Variants in SP140L observed in about 807,000 individuals in gnomAD.
SP140L encodes nuclear body protein SP140-like protein.
A neutral mutation model predicts 84.3 loss-of-function variants in SP140L; 64 were observed. That is an observed-to-expected ratio of 0.76 (90% CI 0.62 to 0.94). The LOEUF is 0.94. Among genes scored for constraint, SP140L ranks in the 40% least tolerant of loss-of-function variants. SP140L has a pLI of 0.00. For missense variants in SP140L, 628 were observed against 692.5 expected, an observed-to-expected ratio of 0.91 and a Z score of 1.05; for synonymous variants, 242 against 236.9, an observed-to-expected ratio of 1.02 and a Z score of -0.20.
At chr2:230,370,989 G>A in intron 6 of SP140L, 22 bp downstream of exon 6, 1 of 1,611,312 alleles carries the variant, frequency 6.2e-7, no homozygotes, top group Non-Finnish European at 8.5e-7. Context: ...TGAGGGCTGT[G>A]GGATGGGGTG....
chr2:230,337,655 T>A (rs1203373669), intron 2 of SP140L, among the ~76,000 whole-genome samples: 5 of 152,236 alleles, frequency 3.3e-5, no homozygotes, highest in African/African-American at 1.2e-4. Context: ...TTAATCCACC[T>A]TGAATTAATT....
rs1307048476 is a variant in SP140L at position 230,338,857 on chromosome 2, T to A, written c.107+10026T>A. 2.8e-5 allele frequency among the ~76,000 whole-genome samples: 4 copies of A among 143,624 alleles called. No homozygotes were observed. The East Asian group carries it at 8.0e-4, about 29-fold the overall frequency. 94.2% of individuals were successfully genotyped at this position (143,624 alleles called of 152,430 possible). A position where few individuals can be genotyped will look rare whatever the true frequency, so the allele number is the denominator to read the frequency against. On this transcript the variant is annotated intron_variant, in intron 2 of 18. Coordinates refer to ENST00000415673, the MANE Select transcript of SP140L (RefSeq NM_138402.6). The stretch of plus-strand genomic sequence containing the variant: ...CCCAAGGATGAAGCCCACTTGATCA[T>A]GGTGGATAAGCTTTTTGATGTGCTG...
chr2:230,383,838 A>C lies in SP140L; in HGVS notation c.703+263A>C, dbSNP rs143515442. Among the ~76,000 whole-genome samples, 4 of 152,292 alleles carry C rather than the reference A, an allele frequency of 2.6e-5. No individual in the cohort carries two copies. In the East Asian group the frequency reaches 7.7e-4, roughly 29 times the overall value. ...TCAGTATGACTTTCTTCAGTAGCTC[A>C]AGAAATTTTTATTAATTTGGAAAAA... On this transcript the variant is annotated intron_variant, in intron 8 of 18. Coordinates refer to ENST00000415673, the MANE Select transcript of SP140L (RefSeq NM_138402.6).
Position 230,371,615 on chromosome 2 carries a change from A to T in SP140L, c.601A>T (p.Asn201Tyr). The T allele has an allele frequency of 6.2e-7, 1 of 1,606,150 alleles. No homozygotes were observed. Among genetic ancestry groups the T allele is most frequent in the South Asian group, 1.1e-5 (1 of 90,440 alleles). ...TTTTCTAGATACTGTGGATATTGCA[A>T]ACAACTCTACTTTGGGAAAACCCAA... ...CGKMDTVDIA[N>Y]NSTLGKPKRK... The change falls in exon 7 of 19, where the codon AAC (asparagine) becomes TAC (tyrosine). Residue 201 changes from asparagine to tyrosine, a missense_variant. Asn to Tyr is a moderately radical substitution (Grantham distance 143). This residue lies in a region of SP140L where 525 missense variants were observed against 518.4 expected (regional missense o/e 1.01). Coordinates refer to ENST00000415673, the MANE Select transcript of SP140L (RefSeq NM_138402.6).
intron 15 of SP140L, chr2:230,400,448 C>G: frequency 3.5e-6 from 2 of 570,890 alleles, no homozygotes. Context: ...GACACCTCCT[C>G]TGATATGCTG....
At position 230,388,644 on chromosome 2, in the gene SP140L, A is replaced by G; in HGVS notation, c.859+11A>G. On this transcript the variant is annotated intron_variant, in intron 10 of 18. Transcript: ENST00000415673. ...GAGTCCGATCAAGAGGTAAAAAAGA[A>G]AAGAGGAATGCACTTTCAATAACTA... The G allele has an allele frequency of 6.3e-7, 1 of 1,598,220 alleles. No homozygotes were observed. Among genetic ancestry groups the G allele is most frequent in the Non-Finnish European group, 8.5e-7 (1 of 1,172,374 alleles).
intron 11 of SP140L, 86 bp downstream of exon 11, chr2:230,390,109 C>A: frequency 8.1e-7 from 1 of 1,241,876 alleles, no homozygotes; most frequent in South Asian, 1.3e-5. Context: ...AATTACACAT[C>A]ATTCAAGGAG....
At chr2:230,363,867 A>C (rs550850889) in intron 5 of SP140L, among the ~76,000 whole-genome samples, 1 of 152,102 alleles carries the variant, frequency 6.6e-6, no homozygotes, top group East Asian at 1.9e-4. Flanking sequence ...AATAGGGTCT[A>C]ATTTCATTCT....
At chr2:230,359,293 T>A (rs921394113) in intron 4 of SP140L, among the ~76,000 whole-genome samples, 161 bp downstream of exon 4, 3 of 152,198 alleles carry the variant, frequency 2.0e-5, no homozygotes, top group Non-Finnish European at 4.4e-5. Context: ...CCATGGTATA[T>A]GGCTATGGCA....
intron 2 of SP140L, among the ~76,000 whole-genome samples, chr2:230,335,286 C>T (rs1341295610): frequency 6.6e-6 from 1 of 152,174 alleles, no homozygotes; most frequent in African/African-American, 2.4e-5. Context: ...TGCTTTAAAA[C>T]TTAATCTACT....
intron 7 of SP140L, among the ~76,000 whole-genome samples, chr2:230,382,887 A>T (rs1332795723): frequency 6.6e-6 from 1 of 152,218 alleles, no homozygotes; most frequent in Non-Finnish European, 1.5e-5. Flanking sequence ...CACTTTTCTG[A>T]TAAAGGGCAC....
chr2:230,360,168 C>T (rs1433632052), intron 4 of SP140L, among the ~76,000 whole-genome samples: 1 of 152,140 alleles, frequency 6.6e-6, no homozygotes, highest in Non-Finnish European at 1.5e-5. Flanking sequence ...CAGGGACATG[C>T]CCTGAAGAGG....
intron 5 of SP140L, among the ~76,000 whole-genome samples, chr2:230,363,347 A>G (rs1307309205): frequency 6.6e-6 from 1 of 152,178 alleles, no homozygotes; most frequent in Admixed American, 6.5e-5. Context: ...TCTTTTTGAT[A>G]ATAGCCATTC....
At chr2:230,387,628 G>A (rs565638693) in intron 9 of SP140L, among the ~76,000 whole-genome samples, 2 of 152,264 alleles carry the variant, frequency 1.3e-5, no homozygotes, top group South Asian at 2.1e-4. Flanking sequence ...CCTAGATGGT[G>A]GTCATTGGAT....
At chr2:230,381,680 G>T (rs976079181) in intron 7 of SP140L, among the ~76,000 whole-genome samples, 1 of 151,076 alleles carries the variant, frequency 6.6e-6, no homozygotes, top group Non-Finnish European at 1.5e-5. Context: ...ACCAAAACAA[G>T]CCTGGGCAAG....
intron 2 of SP140L, among the ~76,000 whole-genome samples, chr2:230,352,446 G>C (rs1385718369): frequency 6.6e-6 from 1 of 152,146 alleles, no homozygotes; most frequent in East Asian, 1.9e-4. Context: ...GAGAGGGAGT[G>C]AGAGACAGCA....
At chr2:230,355,252 A>G (rs2149724792) in intron 2 of SP140L, among the ~76,000 whole-genome samples, 1 of 152,306 alleles carries the variant, frequency 6.6e-6, no homozygotes, top group Admixed American at 6.5e-5. Context: ...ACATGAATTT[A>G]GCAATGCCAT....
chr2:230,395,414 CA>C (rs201193198), intron 13 of SP140L, among the ~76,000 whole-genome samples: 8 of 149,138 alleles, frequency 5.4e-5, no homozygotes, highest in Non-Finnish European at 7.4e-5. Flanking sequence ...TCATCTCTAC[CA>C]AAAAAAAATA....
intron 15 of SP140L, 79 bp downstream of exon 15, chr2:230,400,321 T>G (rs1232818850): frequency 7.1e-7 from 1 of 1,415,850 alleles, no homozygotes; most frequent in Non-Finnish European, 9.8e-7. Flanking sequence ...GCAGAATGTC[T>G]GCTTGTGTCT....
Sources: allele counts gnomAD v4.1 joint callset (sites outside exome capture counted in the v4.1 genomes callset), GRCh38; gene constraint gnomAD v4.1.1; regional missense constraint gnomAD v4.1.1; transcripts MANE v1.5; gene names NCBI Gene and HGNC (gene_info 2026-07-23, HGNC 2026-07-21).